SRBD1: variants seen among roughly 807,000 people sequenced by gnomAD.
The protein encoded by SRBD1 is S1 RNA binding domain 1.
A neutral mutation model predicts 115.3 loss-of-function variants in SRBD1; 88 were observed. The ratio of observed to expected loss-of-function variants is 0.76; its 90% CI spans 0.64 to 0.91. SRBD1 has a LOEUF of 0.91. Ranked by LOEUF, SRBD1 falls within the 40% of genes least tolerant of loss-of-function variation. The pLI, the probability that SRBD1 is intolerant of heterozygous loss-of-function variation, is 0.00. For missense variants in SRBD1, 1,385 were observed against 1,177.4 expected (o/e 1.18, Z -2.58); for synonymous variants, 509 against 407.7 (o/e 1.25, Z -2.99).
chr2:45,535,671 A>G (rs1671743317), intron 14 of SRBD1, among the ~76,000 whole-genome samples: 1 of 151,996 alleles, frequency 6.6e-6, no homozygotes, highest in South Asian at 2.1e-4. Flanking sequence ...TTAATATCTT[A>G]TTTTAATTAT....
intron 16 of SRBD1, among the ~76,000 whole-genome samples, chr2:45,429,482 G>A (rs932924474): frequency 4.0e-5 from 6 of 151,742 alleles, no homozygotes; most frequent in Admixed American, 1.3e-4. Flanking sequence ...ATGCAAGGCT[G>A]ATTCAACATA....
At chr2:45,575,676 T>C (rs1244050963) in intron 7 of SRBD1, among the ~76,000 whole-genome samples, 3 of 152,212 alleles carry the variant, frequency 2.0e-5, no homozygotes, top group Non-Finnish European at 4.4e-5. Context: ...ATGTTTACAG[T>C]TGACCTTTAA....
At chr2:45,464,671 T>C (rs966655920) in intron 16 of SRBD1, among the ~76,000 whole-genome samples, 1 of 152,172 alleles carries the variant, frequency 6.6e-6, no homozygotes, top group Admixed American at 6.5e-5. Flanking sequence ...CCATTCACTA[T>C]CAACTAAACC....
rs556005193 is a variant in SRBD1 at position 45,583,008 on chromosome 2, G to A, written c.816-1198C>T. Among the ~76,000 whole-genome samples the A allele has an allele frequency of 5.7e-4, 87 of 152,270 alleles. No individual in the cohort carries two copies. In the South Asian group the frequency reaches 7.3e-3, roughly 13 times the overall value. ...AACGACAAAAGGAAGGGTGGGCACA[G>A]TAGTTCCCCCACTTTACAACAGGTT... On this transcript the variant is annotated intron_variant, in intron 5 of 20. Transcript: ENST00000263736.
At chr2:45,544,122 A>G (rs1672032776) in intron 14 of SRBD1, among the ~76,000 whole-genome samples, 3 of 151,198 alleles carry the variant, frequency 2.0e-5, no homozygotes, top group African/African-American at 4.9e-5. Context: ...AGTCCCAGCT[A>G]CTCGGGAGGT....
rs138981930 is a variant in SRBD1 at position 45,488,188 on chromosome 2, C to T, written c.1966+52G>A. The T allele has an allele frequency of 3.3e-5, 50 of 1,497,980 alleles. No homozygotes were observed. The African/African-American group carries it at 6.2e-4, about 19-fold the overall frequency. 92.8% of individuals were successfully genotyped at this position (1,497,980 alleles called of 1,614,324 possible). ...TAGAATATTTAGCATGCCACACATG[C>T]TGCCCAAAATATCAAAATCACATGT... On this transcript the variant is annotated intron_variant, in intron 15 of 20. Coordinates refer to ENST00000263736, the MANE Select transcript of SRBD1 (RefSeq NM_018079.5).
intron 11 of SRBD1, among the ~76,000 whole-genome samples, chr2:45,553,296 T>C (rs1672362178): frequency 6.6e-6 from 1 of 152,364 alleles, no homozygotes; most frequent in South Asian, 2.1e-4. Flanking sequence ...ATTCATCATG[T>C]ACCCTACTGA....
chr2:45,514,576 T>C (rs575848642), intron 14 of SRBD1, among the ~76,000 whole-genome samples: 1 of 152,268 alleles, frequency 6.6e-6, no homozygotes, highest in Admixed American at 6.5e-5. Context: ...AATAATTTTC[T>C]TATATGCCTA....
chr2:45,412,256 C>G (rs936362700), intron 19 of SRBD1, among the ~76,000 whole-genome samples: 1 of 151,986 alleles, frequency 6.6e-6, no homozygotes, highest in African/African-American at 2.4e-5. Flanking sequence ...TCCAATTTTT[C>G]TGTATGGCTA....
chr2:45,459,130 A>C (rs1331652063), intron 16 of SRBD1, among the ~76,000 whole-genome samples: 1 of 152,128 alleles, frequency 6.6e-6, no homozygotes, highest in Non-Finnish European at 1.5e-5. Flanking sequence ...CCCACCTCCA[A>C]AATACTGAGT....
intron 16 of SRBD1, among the ~76,000 whole-genome samples, chr2:45,440,272 T>C (rs1302352756): frequency 1.3e-5 from 2 of 152,196 alleles, no homozygotes; most frequent in African/African-American, 2.4e-5. Context: ...CTAAGAGTCC[T>C]GTGTTTAAAT....
intron 4 of SRBD1, among the ~76,000 whole-genome samples, chr2:45,594,495 A>G (rs558111909): frequency 3.9e-5 from 6 of 152,340 alleles, no homozygotes; most frequent in Admixed American, 2.6e-4. Flanking sequence ...TATCCAAAAC[A>G]TATCTGCAAA....
intron 19 of SRBD1, among the ~76,000 whole-genome samples, chr2:45,401,833 T>C (rs1181242947): frequency 6.6e-6 from 1 of 152,190 alleles, no homozygotes; most frequent in African/African-American, 2.4e-5. Context: ...GAAGAGTCAA[T>C]GGTTGCTGTT....
intron 16 of SRBD1, among the ~76,000 whole-genome samples, chr2:45,471,737 GTTTC>G (rs1669655208): frequency 6.6e-6 from 1 of 151,994 alleles, no homozygotes; most frequent in African/African-American, 2.4e-5. Context: ...TAAAATTTGG[GTTTC>G]TTTGATAGAG....
intron 14 of SRBD1, among the ~76,000 whole-genome samples, chr2:45,499,524 T>C (rs1423588752): frequency 1.3e-5 from 2 of 152,188 alleles, no homozygotes; most frequent in African/African-American, 4.8e-5. Context: ...TTGTCTATTT[T>C]TGCTTTGTCT....
chr2:45,441,180 G>C (rs1255114523), intron 16 of SRBD1, among the ~76,000 whole-genome samples: 1 of 150,886 alleles, frequency 6.6e-6, no homozygotes, highest in Non-Finnish European at 1.5e-5. Context: ...TGTGGAGTCA[G>C]AGAGTTAATA....
At chr2:45,539,192 A>G (rs373162488) in intron 14 of SRBD1, among the ~76,000 whole-genome samples, 7 of 152,224 alleles carry the variant, frequency 4.6e-5, no homozygotes, top group African/African-American at 1.4e-4. Context: ...TAAAAGACCT[A>G]TCTTCTTAAA....
chr2:45,424,936 T>C (rs527962838), intron 16 of SRBD1, among the ~76,000 whole-genome samples: 4 of 152,336 alleles, frequency 2.6e-5, no homozygotes, highest in African/African-American at 4.8e-5. Context: ...CAGTAAGCAC[T>C]GTATCATGGG....
chr2:45,509,965 G>C (rs1355702556), intron 14 of SRBD1, among the ~76,000 whole-genome samples: 1 of 152,142 alleles, frequency 6.6e-6, no homozygotes, highest in Non-Finnish European at 1.5e-5. Flanking sequence ...AAACTCCTGA[G>C]CTCAAGTGAT....
Sources: allele counts gnomAD v4.1 joint callset (sites outside exome capture counted in the v4.1 genomes callset), GRCh38; gene constraint gnomAD v4.1.1; transcripts MANE v1.5; gene names NCBI Gene and HGNC (gene_info 2026-07-23, HGNC 2026-07-21).